The following TRPC4 variants were observed in gnomAD, a reference collection of about 807,000 sequenced individuals.
TRPC4 encodes short transient receptor potential channel 4.
Under a neutral mutation model 99.4 loss-of-function variants are expected in TRPC4, and 49 were observed. That is an observed-to-expected ratio of 0.49 (90% CI 0.39 to 0.63). TRPC4 has a LOEUF of 0.63. TRPC4 is among the 20% of genes least tolerant of loss of function. The pLI is 0.00. For missense variants in TRPC4, 898 were observed against 1,152.9 expected (o/e 0.78, Z 3.20); for synonymous variants, 454 against 425.9 (o/e 1.07, Z -0.81).
At chr13:37,642,699 G>A (rs989411224) in intron 8 of TRPC4, among the ~76,000 whole-genome samples, 7 of 151,568 alleles carry the variant, frequency 4.6e-5, no homozygotes, top group Admixed American at 1.3e-4. Flanking sequence ...TTGAAGAGAA[G>A]GGCATCCTGG....
chr13:37,856,152 T>G (rs1448923709), intron 1 of TRPC4, among the ~76,000 whole-genome samples: 1 of 151,366 alleles, frequency 6.6e-6, no homozygotes, highest in Non-Finnish European at 1.5e-5. Context: ...AGAGAGAAGA[T>G]CCAAATAAAT....
chr13:37,639,973 T>C (rs1473422877), intron 8 of TRPC4, among the ~76,000 whole-genome samples: 1 of 151,818 alleles, frequency 6.6e-6, no homozygotes, highest in Non-Finnish European at 1.5e-5. Context: ...GATTGTAGAA[T>C]AGAGAGATGG....
intron 2 of TRPC4, among the ~76,000 whole-genome samples, chr13:37,752,284 T>C (rs1955956009): frequency 6.6e-6 from 1 of 151,764 alleles, no homozygotes; most frequent in African/African-American, 2.4e-5. Flanking sequence ...AGATGCAAAC[T>C]GTTCTTTTGG....
Position 37,746,391 on chromosome 13 carries a change from A to G in TRPC4, c.443T>C (p.Leu148Ser). 2 of 1,613,600 alleles carry G rather than the reference A, an allele frequency of 1.2e-6. No individual in the cohort carries two copies. Among genetic ancestry groups the G allele is most frequent in the South Asian group, 1.1e-5 (1 of 91,070 alleles). The stretch of plus-strand genomic sequence containing the variant: ...CTCATAATTATTTGTATGGGCTGCC[A>G]AAATGATTGGTGTAATGTCTGGAGT... ...EFTPDITPII[L>S]AAHTNNYEII... Residue 148 changes from leucine to serine, a missense_variant, in exon 3 of 11, where the codon TTG becomes TCG. Leu to Ser is a moderately radical substitution (Grantham distance 145). This residue lies in a region of TRPC4 where 278 missense variants were observed against 346.6 expected (regional missense o/e 0.80). Coordinates refer to ENST00000379705, the MANE Select transcript of TRPC4 (RefSeq NM_016179.4).
At chr13:37,688,713 C>T (rs972561125) in intron 4 of TRPC4, among the ~76,000 whole-genome samples, 2 of 152,108 alleles carry the variant, frequency 1.3e-5, no homozygotes, top group African/African-American at 4.8e-5. Context: ...TTACTTTATA[C>T]AACAAGCAGC....
chr13:37,742,043 G>C (rs956617907), intron 3 of TRPC4, among the ~76,000 whole-genome samples: 1 of 151,868 alleles, frequency 6.6e-6, no homozygotes, highest in African/African-American at 2.4e-5. Context: ...ACATTCATTT[G>C]AATTGATAGA....
intron 1 of TRPC4, among the ~76,000 whole-genome samples, chr13:37,830,659 C>A (rs1276287737): frequency 6.6e-6 from 1 of 151,154 alleles, no homozygotes; most frequent in East Asian, 1.9e-4. Flanking sequence ...TGGCAGTGAG[C>A]CGAGATCATG....
At chr13:37,832,274 G>A (rs189326422) in intron 1 of TRPC4, among the ~76,000 whole-genome samples, 20 of 152,164 alleles carry the variant, frequency 1.3e-4, no homozygotes, top group East Asian at 3.8e-4. Flanking sequence ...TTGGCCACGC[G>A]CTGTAGCCTG....
intron 4 of TRPC4, among the ~76,000 whole-genome samples, chr13:37,682,177 A>T (rs1328664487): frequency 6.6e-6 from 1 of 152,170 alleles, no homozygotes. Context: ...AAAGCAAGTC[A>T]CCTTTTCACC....
At chr13:37,745,056 G>A (rs1955697457) in intron 3 of TRPC4, among the ~76,000 whole-genome samples, 1 of 152,072 alleles carries the variant, frequency 6.6e-6, no homozygotes, top group Admixed American at 6.6e-5. Flanking sequence ...TTGTACTAAA[G>A]TCTTTTATTT....
chr13:37,676,180 A>G (rs1219611703), intron 4 of TRPC4, among the ~76,000 whole-genome samples: 1 of 151,968 alleles, frequency 6.6e-6, no homozygotes, highest in Non-Finnish European at 1.5e-5. Context: ...ACACGTACAC[A>G]TACGTACCCA....
chr13:37,827,429 G>A (rs1321793880), intron 1 of TRPC4, among the ~76,000 whole-genome samples: 1 of 152,104 alleles, frequency 6.6e-6, no homozygotes, highest in African/African-American at 2.4e-5. Flanking sequence ...TTTGATGATG[G>A]TGATGTACAG....
chr13:37,852,702 G>A (rs1959089872), intron 1 of TRPC4, among the ~76,000 whole-genome samples: 1 of 152,140 alleles, frequency 6.6e-6, no homozygotes, highest in Non-Finnish European at 1.5e-5. Context: ...AGCATTTCTA[G>A]GCCTGTCCTG....
chr13:37,667,329 C>T (rs1023272781), intron 5 of TRPC4, among the ~76,000 whole-genome samples: 3 of 152,144 alleles, frequency 2.0e-5, no homozygotes, highest in African/African-American at 4.8e-5. Flanking sequence ...TTTTTTGAGA[C>T]GTAGTCTTGC....
intron 2 of TRPC4, among the ~76,000 whole-genome samples, chr13:37,753,227 T>A (rs1157919583): frequency 6.6e-6 from 1 of 152,102 alleles, no homozygotes; most frequent in Non-Finnish European, 1.5e-5. Context: ...TTTATAAAAA[T>A]ACTTTCTTTA....
At chr13:37,867,667 T>G (rs1392861947) in intron 1 of TRPC4, among the ~76,000 whole-genome samples, 1 of 152,106 alleles carries the variant, frequency 6.6e-6, no homozygotes, top group African/African-American at 2.4e-5. Flanking sequence ...GCAATTTTTC[T>G]AAGCTTAGTT....
chr13:37,730,919 A>G (rs1593608047), intron 3 of TRPC4, among the ~76,000 whole-genome samples: 1 of 152,046 alleles, frequency 6.6e-6, no homozygotes, highest in African/African-American at 2.4e-5. Flanking sequence ...CTTCAAAACT[A>G]TAAAAAGATT....
chr13:37,640,427 A>T (rs2138538096), intron 8 of TRPC4, among the ~76,000 whole-genome samples: 1 of 152,280 alleles, frequency 6.6e-6, no homozygotes, highest in Non-Finnish European at 1.5e-5. Context: ...CACTGGCCAT[A>T]AGGATGCATC....
intron 1 of TRPC4, among the ~76,000 whole-genome samples, chr13:37,833,593 G>A (rs1183628818): frequency 6.6e-6 from 1 of 152,110 alleles, no homozygotes; most frequent in Non-Finnish European, 1.5e-5. Context: ...TTGCCTTTGG[G>A]TCTAGAACAT....
Sources: gnomAD v4.1 joint callset for allele counts (sites outside exome capture counted in the v4.1 genomes callset) on GRCh38, gnomAD v4.1.1 for gene constraint, gnomAD v4.1.1 regional missense constraint, MANE v1.5 for transcripts, NCBI Gene and HGNC (gene_info 2026-07-23, HGNC 2026-07-21) for gene names.